CSMD1: variants seen among roughly 807,000 people sequenced by gnomAD.
CSMD1 encodes CUB and Sushi multiple domains 1.
CSMD1 carries 213 observed loss-of-function variants against 417.5 expected under a neutral mutation model. The ratio of observed to expected loss-of-function variants is 0.51; its 90% CI spans 0.46 to 0.57. CSMD1 has a LOEUF of 0.57. Ranked by LOEUF, CSMD1 falls within the 20% of genes least tolerant of loss-of-function variation. The probability of loss-of-function intolerance (pLI) is 0.00; values close to 1 mark genes in which losing one functional copy is unlikely to be tolerated. For missense variants in CSMD1, 6,923 were observed against 4,529.7 expected, an observed-to-expected ratio of 1.53 and a Z score of -15.17; for synonymous variants, 2,862 against 1,736.8, an observed-to-expected ratio of 1.65 and a Z score of -16.11.
intron 2 of CSMD1, among the ~76,000 whole-genome samples, chr8:4,432,585 G>A (rs964664607): frequency 4.6e-5 from 7 of 152,122 alleles, no homozygotes; most frequent in Admixed American, 1.3e-4. Context: ...AGGCAGTAAA[G>A]CTCACTCCTT....
At chr8:3,224,126 CA>C (rs1414978387) in intron 27 of CSMD1, among the ~76,000 whole-genome samples, 1 of 152,082 alleles carries the variant, frequency 6.6e-6, no homozygotes, top group Non-Finnish European at 1.5e-5. Context: ...ACTTCTGACA[CA>C]AAAAATTTCT....
intron 3 of CSMD1, among the ~76,000 whole-genome samples, chr8:4,341,955 T>C (rs1302052327): frequency 6.6e-6 from 1 of 152,128 alleles, no homozygotes; most frequent in Non-Finnish European, 1.5e-5. Context: ...GACTGACACA[T>C]ATTACCCTGG....
chr8:3,702,661 T>C (rs528356626), intron 7 of CSMD1, among the ~76,000 whole-genome samples: 4 of 152,298 alleles, frequency 2.6e-5, no homozygotes, highest in African/African-American at 9.6e-5. Context: ...TGAAACCCCA[T>C]ATCTACTAAA....
intron 3 of CSMD1, among the ~76,000 whole-genome samples, chr8:4,371,853 A>C (rs530960837): frequency 6.6e-6 from 1 of 152,364 alleles, no homozygotes; most frequent in Admixed American, 6.5e-5. Context: ...TGAATTGATC[A>C]AAATAAATAT....
intron 3 of CSMD1, among the ~76,000 whole-genome samples, chr8:4,059,108 C>T (rs1585225245): frequency 6.6e-6 from 1 of 152,180 alleles, no homozygotes; most frequent in Admixed American, 6.5e-5. Context: ...GACCACAGTG[C>T]AATCAAACTA....
chr8:3,396,166 C>T (rs1041736490), intron 17 of CSMD1, 28 bp downstream of exon 17: 32 of 1,542,604 alleles, frequency 2.1e-5, no homozygotes, highest in African/African-American at 1.1e-4. Flanking sequence ...GCTGCCCTGC[C>T]GGGCTGTCAA....
At chr8:3,015,246 C>T (rs79076098) in intron 52 of CSMD1, among the ~76,000 whole-genome samples, 7,302 of 152,190 alleles carry the variant, frequency 0.048, 175 homozygotes, top group East Asian at 0.07. Flanking sequence ...TTTGTCCCTC[C>T]GGACACTCTC....
intron 3 of CSMD1, among the ~76,000 whole-genome samples, chr8:4,157,459 C>G (rs1470042285): frequency 6.6e-6 from 1 of 152,124 alleles, no homozygotes; most frequent in Non-Finnish European, 1.5e-5. Context: ...TTCCCTCCCT[C>G]CTTCACTTCC....
chr8:4,678,696 A>T (rs1031602753), intron 1 of CSMD1, among the ~76,000 whole-genome samples: 1 of 152,308 alleles, frequency 6.6e-6, no homozygotes, highest in East Asian at 1.9e-4. Flanking sequence ...CAAATAAGAT[A>T]AAAATGTCTT....
rs747880472 is a variant in CSMD1, at chr8:2,963,225, G to C, written c.9451C>G (p.Leu3151Val). The C allele has an allele frequency of 1.9e-6, 3 of 1,613,880 alleles. No individual in the cohort carries two copies. In the South Asian group the frequency reaches 3.3e-5, roughly 18 times the overall value. Residue 3151 changes from leucine to valine, a missense_variant, in exon 60 of 70, where the codon CTC (leucine) becomes GTC (valine). By Grantham distance (32) the Leu-to-Val change is conservative (BLOSUM62 1). Coordinates refer to ENST00000635120, the MANE Select transcript of CSMD1 (RefSeq NM_033225.6). The part of the protein sequence containing the change: ...GVWKGEIPQC[L>V]PVFCGDPGIP... ...CAAATTCTGCTGTAGAACTTACGGA[G>C]ACACTGGGGGATCTCTCCTTTCCAC... is the stretch of plus-strand genomic sequence containing the variant.
chr8:3,081,241 T>C (rs937388455), intron 49 of CSMD1, among the ~76,000 whole-genome samples: 4 of 152,314 alleles, frequency 2.6e-5, no homozygotes, highest in South Asian at 4.1e-4. Context: ...TTTGAATATA[T>C]TCTTCTAGAT....
intron 2 of CSMD1, among the ~76,000 whole-genome samples, chr8:4,433,286 G>T (rs771631654): frequency 2.6e-5 from 4 of 152,058 alleles, no homozygotes; most frequent in South Asian, 2.1e-4. Flanking sequence ...CCACACCCTG[G>T]TCCGTAGAAA....
Position 3,892,701 on chromosome 8 carries a change from G to C in CSMD1, c.818+105202C>G, listed in dbSNP as rs1342850569. On this transcript the variant is annotated intron_variant, in intron 5 of 69. Coordinates refer to ENST00000635120, the MANE Select transcript of CSMD1 (RefSeq NM_033225.6). ...GTGAATTAAGTAGGCACTTATTTGA[G>C]TACATTTAGGCAGGTTTTTTTTTTT... Among the ~76,000 whole-genome samples the C allele has an allele frequency of 2.1e-5, 3 of 142,964 alleles. No individual in the cohort carries two copies. In the East Asian group the frequency reaches 6.3e-4, roughly 30 times the overall value. The allele number at this position is 142,964 out of a possible 152,430, so 93.8% of individuals were successfully genotyped here.
At chr8:4,283,200 T>G (rs570197995) in intron 3 of CSMD1, among the ~76,000 whole-genome samples, 1 of 152,192 alleles carries the variant, frequency 6.6e-6, no homozygotes, top group African/African-American at 2.4e-5. Context: ...AAATTATATA[T>G]GAATATGATT....
At chr8:3,232,108 T>A (rs1798875852) in intron 26 of CSMD1, among the ~76,000 whole-genome samples, 1 of 152,236 alleles carries the variant, frequency 6.6e-6, no homozygotes, top group East Asian at 1.9e-4. Flanking sequence ...GTATGATCAA[T>A]GCGTAGAACA....
intron 10 of CSMD1, among the ~76,000 whole-genome samples, chr8:3,564,517 TTGTGTGTGTGTG>T (rs34665230): frequency 1.0e-4 from 15 of 145,494 alleles, no homozygotes; most frequent in South Asian, 6.6e-4. Context: ...CACAGTATAT[TTGTGTGTGTGTG>T]TGTGTGTGTG....
At chr8:4,081,271 C>G (rs1420775981) in intron 3 of CSMD1, among the ~76,000 whole-genome samples, 1 of 152,138 alleles carries the variant, frequency 6.6e-6, no homozygotes, top group African/African-American at 2.4e-5. Flanking sequence ...TGAAATACGC[C>G]CAGCGATTCT....
intron 2 of CSMD1, among the ~76,000 whole-genome samples, chr8:4,554,569 G>A (rs984341549): frequency 1.3e-5 from 2 of 152,172 alleles, no homozygotes; most frequent in Non-Finnish European, 2.9e-5. Flanking sequence ...AGTTAAGAGC[G>A]AAGCTGTATA....
At chr8:4,029,431 T>A (rs1311509814) in intron 4 of CSMD1, among the ~76,000 whole-genome samples, 1 of 152,142 alleles carries the variant, frequency 6.6e-6, no homozygotes, top group East Asian at 1.9e-4. Context: ...CCACGTCTTA[T>A]ATGGATAGCA....
Sources: gnomAD v4.1 joint callset for allele counts (sites outside exome capture counted in the v4.1 genomes callset) on GRCh38, gnomAD v4.1.1 for gene constraint, MANE v1.5 for transcripts, NCBI Gene and HGNC (gene_info 2026-07-23, HGNC 2026-07-21) for gene names.